The following JAKMIP3 variants were observed in gnomAD, a reference collection of about 807,000 sequenced individuals.
The protein encoded by JAKMIP3 is Janus kinase and microtubule interacting protein 3.
In JAKMIP3, 58 loss-of-function variants were observed where a neutral mutation model predicts 118.5. That is an observed-to-expected ratio of 0.49 (90% CI 0.40 to 0.61). JAKMIP3 has a LOEUF of 0.61. Ranked by LOEUF, JAKMIP3 falls within the 20% of genes least tolerant of loss-of-function variation. The pLI, the probability that JAKMIP3 is intolerant of heterozygous loss-of-function variation, is 0.00. For synonymous variants in JAKMIP3, 486 were observed against 451.2 expected (o/e 1.08, Z -0.98); for missense variants, 950 against 1,109.0 (o/e 0.86, Z 2.04).
At chr10:132,144,120 CAG>C (rs3077833) in intron 11 of JAKMIP3, 28,325 of 151,706 alleles carry the variant, frequency 0.19, 2,725 homozygotes, top group East Asian at 0.3. Flanking sequence ...AAGCTATCCC[CAG>C]AGAGAGCAGG....
intron 19 of JAKMIP3, among the ~76,000 whole-genome samples, chr10:132,160,897 T>G (rs541708391): frequency 9.1e-5 from 1 of 10,988 alleles, no homozygotes; most frequent in Non-Finnish European, 1.4e-4. Flanking sequence ...ATGCAGGCGG[T>G]GGCCTCTTCC....
chr10:132,166,738 G>GCCCACCA (rs1268150218), intron 21 of JAKMIP3, among the ~76,000 whole-genome samples: 1 of 152,238 alleles, frequency 6.6e-6, no homozygotes, highest in South Asian at 2.1e-4. Flanking sequence ...CCTGACCAGC[G>GCCCACCA]CCCACCACCC....
At chr10:132,149,615 T>G in intron 15 of JAKMIP3, 105 bp downstream of exon 15, 1 of 116,394 alleles carries the variant, frequency 8.6e-6, no homozygotes, top group Non-Finnish European at 1.5e-5. Context: ...CCCACCCCCC[T>G]CCGCCCCCGC....
chr10:132,153,666 C>G, intron 17 of JAKMIP3, 93 bp from the exon 18 acceptor site: 1 of 1,221,670 alleles, frequency 8.2e-7, no homozygotes, highest in Non-Finnish European at 1.2e-6. Flanking sequence ...GGAAGGAAGA[C>G]CCAGGCTGTC....
chr10:132,163,716 A>T (rs532461445), intron 20 of JAKMIP3, among the ~76,000 whole-genome samples: 1 of 152,302 alleles, frequency 6.6e-6, no homozygotes, highest in South Asian at 2.1e-4. Context: ...ATGCCTGTCA[A>T]TGGCAGGCAC....
At position 132,140,819 on chromosome 10, in the gene JAKMIP3, C is replaced by G. The variant is rs544806114; in HGVS notation, c.1473+240C>G. Among the ~76,000 whole-genome samples, 10 of 152,282 alleles carry G rather than the reference C, an allele frequency of 6.6e-5. No individual in the cohort carries two copies. The East Asian group carries it at 1.9e-3, about 29-fold the overall frequency. On this transcript the variant is annotated intron_variant, in intron 10 of 23. Transcript: ENST00000684848. ...ATGGCTTGGGGTGTGGGCTGAGGCC[C>G]GCTCTTGCTCCCATGAAGGCCAAAC...
chr10:132,159,373 TG>T (rs570632179), intron 19 of JAKMIP3, among the ~76,000 whole-genome samples: 9 of 25,562 alleles, frequency 3.5e-4, no homozygotes, highest in South Asian at 1.8e-3. Flanking sequence ...TGATGCTGGT[TG>T]GGGGGGGTCT....
chr10:132,061,306 G>A (rs371352579), upstream of JAKMIP3, among the ~76,000 whole-genome samples: 40 of 152,200 alleles, frequency 2.6e-4, no homozygotes, highest in African/African-American at 8.9e-4. Flanking sequence ...ACACACACAC[G>A]TTAGGCACCA....
At chr10:132,137,216 C>A (rs1184716568) in intron 7 of JAKMIP3, 38 bp from the exon 8 acceptor site, 13 of 1,613,754 alleles carry the variant, frequency 8.1e-6, no homozygotes, top group African/African-American at 1.3e-5. Context: ...TAACAGGGAC[C>A]CTGAGCAATT....
intron 3 of JAKMIP3, among the ~76,000 whole-genome samples, chr10:132,131,038 C>G (rs896937143): frequency 3.9e-5 from 6 of 151,982 alleles, no homozygotes; most frequent in Non-Finnish European, 5.9e-5. Flanking sequence ...CTTCTCTCCT[C>G]CAGCCTCAGC....
chr10:132,137,335 C>A, intron 8 of JAKMIP3, 46 bp downstream of exon 8: 1 of 1,610,196 alleles, frequency 6.2e-7, no homozygotes, highest in Non-Finnish European at 8.5e-7. Flanking sequence ...GCTCCCCACG[C>A]AGTTGCCCGT....
At position 132,139,306 on chromosome 10, in the gene JAKMIP3, GAGTGTGTATGTGTATGTGTGTGTGTT is replaced by G. The variant is rs1564948261; in HGVS notation, c.1344+1129_1345-1119del. ...TGTATATGCATCTGTGTATGTGTGT[GAGTGTGTATGTGTATGTGTGTGTGTT>G]TGTATGTGTGTACATGTGAGTGTAT... On this transcript the variant is annotated intron_variant, in intron 9 of 23. Coordinates refer to ENST00000684848, the MANE Select transcript of JAKMIP3 (RefSeq NM_001323087.2). Among the ~76,000 whole-genome samples, 103 of 65,096 alleles carry G rather than the reference GAGTGTGTATGTGTATGTGTGTGTGTT, an allele frequency of 1.6e-3. 4 individuals carry two copies. In the South Asian group the frequency reaches 0.058, roughly 37 times the overall value. The allele number at this position is 65,096 out of a possible 152,430, so 42.7% of individuals were successfully genotyped here.
At chr10:132,064,647 TCAC>T (rs2038568344), upstream of JAKMIP3, among the ~76,000 whole-genome samples, 1 of 152,194 alleles carries the variant, frequency 6.6e-6, no homozygotes, top group Non-Finnish European at 1.5e-5. The surrounding 1 kb of genome is among the most constrained non-coding windows in gnomAD (Gnocchi z 4.4). Flanking sequence ...GGCGGCTCCG[TCAC>T]ACGAGTCAGG....
rs2053605212 is a variant in JAKMIP3, at chr10:132,142,037, C to T, written c.1591C>T (p.Arg531Ter). Reference protein sequence around the residue: ...EQVGGTLDAEREVKTREQLQA... With the variant: ...EQVGGTLDAE ...GGTTGGAGGGACGCTGGACGCAGAG[C>T]GAGAAGTTAAGGTCTACGTGACTTC... Residue 531 changes from arginine (R) to a stop codon, truncating the protein, a stop_gained, in exon 11 of 24, where the codon CGA becomes TGA. Transcript: ENST00000684848. LOFTEE classifies it high-confidence loss of function. The T allele has an allele frequency of 3.1e-6, 5 of 1,605,562 alleles. No homozygotes were observed. The highest frequency in any genetic ancestry group is 3.4e-5 in the Admixed American group (2 of 59,106).
chr10:132,145,299 G>C, intron 12 of JAKMIP3, 109 bp downstream of exon 12: 1 of 1,028,414 alleles, frequency 9.7e-7, no homozygotes, highest in Non-Finnish European at 1.4e-6. Flanking sequence ...CTACAGCCTT[G>C]ACCTCCTGGG....
chr10:132,062,096 C>T (rs117055497), upstream of JAKMIP3, among the ~76,000 whole-genome samples: 216 of 151,784 alleles, frequency 1.4e-3, 5 homozygotes, highest in East Asian at 0.031. Context: ...ATGATGAGCA[C>T]GCCACAGAGA....
At chr10:132,159,673 CCTCTCCCTAT>C (rs2057725354) in intron 19 of JAKMIP3, among the ~76,000 whole-genome samples, 1 of 75,028 alleles carries the variant, frequency 1.3e-5, no homozygotes, top group African/African-American at 5.8e-5. Flanking sequence ...GCTGGGGGGT[CCTCTCCCTAT>C]GTGATGCTCA....
At chr10:132,125,967 C>T (rs1476633581) in intron 3 of JAKMIP3, among the ~76,000 whole-genome samples, 1 of 152,142 alleles carries the variant, frequency 6.6e-6, no homozygotes, top group Non-Finnish European at 1.5e-5. Context: ...TTCTCATGAT[C>T]GTATCTCACT....
chr10:132,155,949 G>A (rs192989452), intron 19 of JAKMIP3, among the ~76,000 whole-genome samples: 15 of 152,248 alleles, frequency 9.9e-5, no homozygotes, highest in East Asian at 1.9e-4. Context: ...CTCATGGGGC[G>A]GCTCCCAGGC....
Sources: gnomAD v4.1 joint callset for allele counts (sites outside exome capture counted in the v4.1 genomes callset) on GRCh38, gnomAD v4.1.1 for gene constraint, Gnocchi (gnomAD v3.1) non-coding constraint, MANE v1.5 for transcripts, NCBI Gene and HGNC (gene_info 2026-07-23, HGNC 2026-07-21) for gene names.